The following EFL1 variants were observed in gnomAD, a reference collection of about 807,000 sequenced individuals.
EFL1 encodes the protein elongation factor like GTPase 1.
In EFL1, 76 loss-of-function variants were observed where a neutral mutation model predicts 126.7. The ratio of observed to expected loss-of-function variants is 0.60; its 90% CI spans 0.50 to 0.73. The LOEUF (loss-of-function observed/expected upper bound fraction) is 0.73, where lower values mean the gene tolerates loss of function less well. Among genes scored for constraint, EFL1 ranks in the 30% least tolerant of loss-of-function variants. EFL1 has a pLI of 0.00. For missense variants in EFL1, 1,128 were observed against 1,343.2 expected (o/e 0.84, Z 2.50); for synonymous variants, 410 against 448.4 (o/e 0.91, Z 1.08).
intron 15 of EFL1, among the ~76,000 whole-genome samples, chr15:82,182,234 A>T (rs1647589791): frequency 6.6e-6 from 1 of 152,204 alleles, no homozygotes. Context: ...TCTCCAGCCT[A>T]GGCGAAAGAG....
chr15:82,251,013 A>G (rs1288615607), intron 4 of EFL1, among the ~76,000 whole-genome samples: 1 of 151,888 alleles, frequency 6.6e-6, no homozygotes, highest in Non-Finnish European at 1.5e-5. Flanking sequence ...GGAGTTCAAG[A>G]CCAGCCTGGC....
chr15:82,166,590 T>C (rs1358470873), intron 15 of EFL1, among the ~76,000 whole-genome samples: 1 of 152,248 alleles, frequency 6.6e-6, no homozygotes, highest in Non-Finnish European at 1.5e-5. Context: ...ATTTCTTGAT[T>C]TGCTATCAAT....
intron 18 of EFL1, among the ~76,000 whole-genome samples, chr15:82,144,870 G>A (rs1370902129): frequency 1.3e-5 from 2 of 151,952 alleles, no homozygotes; most frequent in Non-Finnish European, 2.9e-5. Flanking sequence ...GTGCGCACCT[G>A]TAGTCCCAGC....
intron 15 of EFL1, among the ~76,000 whole-genome samples, chr15:82,188,868 A>T (rs1350282856): frequency 1.3e-5 from 2 of 149,640 alleles, no homozygotes; most frequent in Admixed American, 6.6e-5. Context: ...GGAAAGGTAT[A>T]TCAATGGTAA....
At chr15:82,223,433 G>A (rs1410605702) in intron 12 of EFL1, among the ~76,000 whole-genome samples, 1 of 152,042 alleles carries the variant, frequency 6.6e-6, no homozygotes, top group Non-Finnish European at 1.5e-5. Context: ...GGAATAGAAT[G>A]GATTGCACTA....
At chr15:82,169,457 T>C (rs2074111528) in intron 15 of EFL1, among the ~76,000 whole-genome samples, 1 of 152,074 alleles carries the variant, frequency 6.6e-6, no homozygotes, top group Non-Finnish European at 1.5e-5. Flanking sequence ...TGGTGGTTTT[T>C]TAGGAGCTGG....
intron 15 of EFL1, among the ~76,000 whole-genome samples, chr15:82,190,349 G>A (rs1345523884): frequency 2.0e-5 from 3 of 152,004 alleles, no homozygotes; most frequent in South Asian, 4.2e-4. Context: ...TTTACTTTGA[G>A]TAATAACTCA....
intron 6 of EFL1, among the ~76,000 whole-genome samples, chr15:82,239,996 T>C (rs574190855): frequency 6.6e-6 from 1 of 152,212 alleles, no homozygotes; most frequent in African/African-American, 2.4e-5. Context: ...CTGTTCATCT[T>C]ATATTCACAA....
chr15:82,220,293 T>C (rs746847533), intron 12 of EFL1, 64 bp from the exon 13 acceptor site: 268 of 1,509,828 alleles, frequency 1.8e-4, no homozygotes, highest in Admixed American at 2.2e-4. Context: ...CAGCAAGCAT[T>C]GACATGGCTG....
intron 15 of EFL1, among the ~76,000 whole-genome samples, chr15:82,191,107 C>T (rs915619302): frequency 6.6e-6 from 1 of 151,824 alleles, no homozygotes; most frequent in Non-Finnish European, 1.5e-5. Flanking sequence ...AAAGAAAACT[C>T]ACAGTTTTCT....
In EFL1 at chr15:82,228,300, C is replaced by T; in HGVS notation, c.960G>A (p.Val320=). Residue 320 remains valine, a synonymous_variant, in exon 10 of 20, where the codon GTG becomes GTA. Coordinates refer to ENST00000268206, the MANE Select transcript of EFL1 (RefSeq NM_024580.6). ...KKDKDKIDKI[V]TSLGLKIGAR... ...CTCCAATTTTTAATCCTAAAGAAGT[C>T]ACTATTTTATCAATTTTGTCTTTGT... The T allele has an allele frequency of 6.2e-7, 1 of 1,613,798 alleles. No homozygotes were observed. The highest frequency in any genetic ancestry group is 1.1e-5 in the South Asian group (1 of 91,016).
intron 17 of EFL1, among the ~76,000 whole-genome samples, chr15:82,156,711 G>A (rs1186088058): frequency 1.3e-5 from 2 of 152,110 alleles, no homozygotes; most frequent in Non-Finnish European, 2.9e-5. Context: ...TTTAATATAT[G>A]ACTATATCAA....
intron 17 of EFL1, among the ~76,000 whole-genome samples, chr15:82,155,562 C>T (rs955244253): frequency 6.6e-6 from 1 of 152,056 alleles, no homozygotes; most frequent in Admixed American, 6.6e-5. Flanking sequence ...GCACATTTGC[C>T]TAGCTTTGTG....
intron 15 of EFL1, among the ~76,000 whole-genome samples, chr15:82,184,459 G>C (rs1424937732): frequency 6.6e-6 from 1 of 152,198 alleles, no homozygotes; most frequent in African/African-American, 2.4e-5. Flanking sequence ...CCTGGTGGAA[G>C]TAAGCATTAA....
intron 10 of EFL1, 62 bp downstream of exon 10, chr15:82,228,129 C>T (rs935269821): frequency 8.5e-6 from 13 of 1,530,668 alleles, no homozygotes; most frequent in African/African-American, 7.0e-5. Flanking sequence ...GTTACCATAA[C>T]GCATTGTTTT....
chr15:82,241,042 T>G (rs1273806045), intron 5 of EFL1, among the ~76,000 whole-genome samples: 2 of 151,950 alleles, frequency 1.3e-5, no homozygotes, highest in Non-Finnish European at 2.9e-5. Flanking sequence ...AGAGCAAGAC[T>G]CTGTCTCAAA....
chr15:82,136,839 T>C (rs1311849356), intron 19 of EFL1, among the ~76,000 whole-genome samples: 1 of 152,154 alleles, frequency 6.6e-6, no homozygotes, highest in Non-Finnish European at 1.5e-5. Context: ...AATTCAGCAA[T>C]ATCGCATCAG....
intron 7 of EFL1, among the ~76,000 whole-genome samples, chr15:82,234,638 T>TA (rs1259769347): frequency 1.3e-5 from 2 of 152,122 alleles, no homozygotes; most frequent in East Asian, 3.8e-4. Flanking sequence ...AAATACATTT[T>TA]AAAAAACGGA....
chr15:82,222,921 T>G lies in EFL1; in HGVS notation c.1292+2244A>C, dbSNP rs148561362. ...TCAAATGTCAGGTTGGAAGGTGAAT[T>G]TGAAGAAGCAAAGAAAAGAGGCAAG... On this transcript the variant is annotated intron_variant, in intron 12 of 19. Coordinates refer to ENST00000268206, the MANE Select transcript of EFL1 (RefSeq NM_024580.6). 4.2e-3 allele frequency among the ~76,000 whole-genome samples: 636 copies of G among 152,270 alleles called. 2 individuals carry two copies. Among genetic ancestry groups the G allele is most frequent in the Non-Finnish European group, 6.2e-3 (425 of 68,030 alleles).
Sources: gnomAD v4.1 joint callset for allele counts (sites outside exome capture counted in the v4.1 genomes callset) on GRCh38, gnomAD v4.1.1 for gene constraint, MANE v1.5 for transcripts, NCBI Gene and HGNC (gene_info 2026-07-23, HGNC 2026-07-21) for gene names.